GRAMD1B: variants seen among roughly 807,000 people sequenced by gnomAD.
GRAMD1B encodes the protein GRAM domain containing 1B.
GRAMD1B carries 37 observed loss-of-function variants against 99.7 expected under a neutral mutation model. The ratio of observed to expected loss-of-function variants is 0.37; its 90% CI spans 0.29 to 0.49. GRAMD1B has a LOEUF of 0.49. Among genes scored for constraint, GRAMD1B ranks in the 20% least tolerant of loss-of-function variants. The pLI is 0.98. For synonymous variants in GRAMD1B, 427 were observed against 387.6 expected (o/e 1.10, Z -1.19); for missense variants, 888 against 1,009.2 (o/e 0.88, Z 1.63).
At chr11:123,507,364 A>G (rs1940538053) in intron 2 of GRAMD1B, among the ~76,000 whole-genome samples, 1 of 152,212 alleles carries the variant, frequency 6.6e-6, no homozygotes, top group Non-Finnish European at 1.5e-5. Context: ...ATTCAAGACC[A>G]TAGTCTAGGG....
chr11:123,460,503 TC>T (rs1484461974), intron 1 of GRAMD1B: 1 of 152,258 alleles, frequency 6.6e-6, no homozygotes, highest in Non-Finnish European at 1.5e-5. Flanking sequence ...ACACCGTGAC[TC>T]CAGCCCCAGT....
In GRAMD1B at chr11:123,491,464, C is replaced by T. The variant is rs1938551194; in HGVS notation, c.452+10571C>T. 2.6e-5 allele frequency among the ~76,000 whole-genome samples: 4 copies of T among 152,136 alleles called. No homozygotes were observed. The South Asian group carries it at 8.3e-4, about 32-fold the overall frequency. ...CCTCTGGGAGCAGTGCTCCCTGCCC[C>T]TCCCCTTCCCCCAGCACCAGCAGCT... On this transcript the variant is annotated intron_variant, in intron 2 of 19. Transcript: ENST00000635736.
intron 7 of GRAMD1B, among the ~76,000 whole-genome samples, chr11:123,600,091 C>T (rs1951766010): frequency 6.6e-6 from 1 of 152,194 alleles, no homozygotes; most frequent in Non-Finnish European, 1.5e-5. Flanking sequence ...AATAGGTCGG[C>T]AGATTAGTAG....
chr11:123,445,818 CAAAAA>C lies in GRAMD1B; in HGVS notation c.374+14668_374+14672del, dbSNP rs36123733. Among the ~76,000 whole-genome samples the C allele has an allele frequency of 9.1e-3, 854 of 94,136 alleles. 7 individuals carry two copies. The highest frequency in any genetic ancestry group is 0.033 in the African/African-American group (820 of 24,696). The allele number at this position is 94,136 out of a possible 152,430, so 61.8% of individuals were successfully genotyped here. On this transcript the variant is annotated intron_variant, in intron 1 of 19. Transcript: ENST00000635736. ...TGGGGAACAGAGTGACACTTGTCTCCAAAAAAAAAAAAAAAAAAAACAAGACAAAC... is the reference window on the plus strand; with the variant it reads ...TGGGGAACAGAGTGACACTTGTCTCCAAAAAAAAAAAAAAACAAGACAAAC...
rs780588880 is a variant in GRAMD1B at position 123,606,589 on chromosome 11, C to T, written c.1324-20C>T. 4 of 1,597,790 alleles carry T rather than the reference C, an allele frequency of 2.5e-6. No homozygotes were observed. The highest frequency in any genetic ancestry group is 2.3e-5 in the South Asian group (2 of 88,020). ...CAGACCAGGTTTCCCTGGTGGGTGA[C>T]TCCTCTGTCTTGGCTCCAGTTTGAT... On this transcript the variant is annotated intron_variant, in intron 10 of 19. Transcript: ENST00000635736.
At chr11:123,431,306 C>T (rs1948876369) in intron 1 of GRAMD1B, 140 bp downstream of exon 1, 1 of 591,006 alleles carries the variant, frequency 1.7e-6, no homozygotes, top group African/African-American at 1.9e-5. Flanking sequence ...GGGCGCTGCG[C>T]CTGGTCCCAG....
In GRAMD1B at chr11:123,402,268, G is replaced by C. The variant is rs1019398360; in HGVS notation, c.-176+43469G>C. ...TGACCTCAGGTGACCTGCCCGCCTCGGCCTCCCCAAAGTGCTGGGATTACA... is the reference window on the plus strand; with the variant it reads ...TGACCTCAGGTGACCTGCCCGCCTCCGCCTCCCCAAAGTGCTGGGATTACA... On this transcript the variant is annotated intron_variant, in intron 1 of 20. Transcript: ENST00000638157. Among the ~76,000 whole-genome samples, 7 of 152,074 alleles carry C rather than the reference G, an allele frequency of 4.6e-5. No individual in the cohort carries two copies. The South Asian group carries it at 1.5e-3, about 32-fold the overall frequency.
intron 2 of GRAMD1B, among the ~76,000 whole-genome samples, chr11:123,530,531 C>T (rs1015630434): frequency 5.3e-5 from 8 of 152,182 alleles, no homozygotes; most frequent in African/African-American, 1.9e-4. Context: ...CAGGCGCCCG[C>T]CACCACACCC....
At chr11:123,398,088 A>G (rs949211940) in intron 1 of GRAMD1B, among the ~76,000 whole-genome samples, 1 of 152,218 alleles carries the variant, frequency 6.6e-6, no homozygotes, top group African/African-American at 2.4e-5. Flanking sequence ...GTTCCTCTAG[A>G]GAAAATACTC....
intron 2 of GRAMD1B, among the ~76,000 whole-genome samples, chr11:123,523,882 G>A (rs1056580350): frequency 2.0e-5 from 3 of 152,228 alleles, no homozygotes; most frequent in African/African-American, 7.2e-5. Flanking sequence ...CATAATTTTG[G>A]ATGTGTTCAG....
At chr11:123,466,014 G>A (rs1191663147) in intron 1 of GRAMD1B, among the ~76,000 whole-genome samples, 2 of 152,066 alleles carry the variant, frequency 1.3e-5, no homozygotes, top group South Asian at 2.1e-4. Flanking sequence ...GGTGGCTCAC[G>A]CCTGTGATCC....
chr11:123,563,928 C>T (rs1410959154), intron 2 of GRAMD1B, among the ~76,000 whole-genome samples: 1 of 152,192 alleles, frequency 6.6e-6, no homozygotes, highest in African/African-American at 2.4e-5. Context: ...TTACAGTTTT[C>T]TCTATTCTAA....
intron 2 of GRAMD1B, among the ~76,000 whole-genome samples, chr11:123,571,612 A>G (rs2136152358): frequency 6.6e-6 from 1 of 152,228 alleles, no homozygotes; most frequent in Middle Eastern, 3.4e-3. Context: ...AAATGAATGA[A>G]TGACCTCCGG....
chr11:123,577,906 G>C (rs372062080), intron 3 of GRAMD1B, among the ~76,000 whole-genome samples: 1 of 152,040 alleles, frequency 6.6e-6, no homozygotes, highest in African/African-American at 2.4e-5. Context: ...CCTAGAGCCG[G>C]GGTAGAAGGC....
Position 123,531,909 on chromosome 11 carries a change from A to G in GRAMD1B, c.453-45458A>G, listed in dbSNP as rs570097853. ...CACCACCACGCCTGGCTAATTTTGT[A>G]TTTTTTTAGTAGAGACAGGGTTTCT... On this transcript the variant is annotated intron_variant, in intron 2 of 19. Transcript: ENST00000635736. Among the ~76,000 whole-genome samples the G allele has an allele frequency of 2.6e-5, 4 of 151,572 alleles. No homozygotes were observed. In the East Asian group the frequency reaches 7.8e-4, roughly 30 times the overall value.
Position 123,498,909 on chromosome 11 carries a change from C to T in GRAMD1B, c.452+18016C>T, listed in dbSNP as rs183759434. On this transcript the variant is annotated intron_variant, in intron 2 of 19. Coordinates refer to ENST00000635736, the MANE Select transcript of GRAMD1B (RefSeq NM_001387025.1). ...CCATGCTTTGAGAAATATGCTCTTTCTCGAAAAGCAGTGCTGATAAAGAAA... is the reference window on the plus strand; with the variant it reads ...CCATGCTTTGAGAAATATGCTCTTTTTCGAAAAGCAGTGCTGATAAAGAAA... Among the ~76,000 whole-genome samples the T allele has an allele frequency of 5.9e-5, 9 of 152,258 alleles. No individual in the cohort carries two copies. In the East Asian group the frequency reaches 1.5e-3, roughly 26 times the overall value.
At chr11:123,428,277 CTCCCGATCCTGAAGTT>C (rs570177263), upstream of GRAMD1B, among the ~76,000 whole-genome samples, 62 of 152,334 alleles carry the variant, frequency 4.1e-4, no homozygotes, top group African/African-American at 1.4e-3. Flanking sequence ...CTTGGCTTAG[CTCCCGATCCTGAAGTT>C]TGGAGTTACA....
intron 2 of GRAMD1B, among the ~76,000 whole-genome samples, chr11:123,513,506 CT>C (rs1013578617): frequency 1.8e-4 from 27 of 148,884 alleles, no homozygotes; most frequent in African/African-American, 5.1e-4. Context: ...CTCCCTCTCT[CT>C]TTCTTTCTTT....
At chr11:123,378,025 C>A (rs1404404842) in intron 1 of GRAMD1B, among the ~76,000 whole-genome samples, 1 of 152,172 alleles carries the variant, frequency 6.6e-6, no homozygotes, top group East Asian at 1.9e-4. Context: ...TCTGTGTCCA[C>A]AGGTACAAAG....
Sources: allele counts gnomAD v4.1 joint callset (sites outside exome capture counted in the v4.1 genomes callset), GRCh38; gene constraint gnomAD v4.1.1; transcripts MANE v1.5; gene names NCBI Gene and HGNC (gene_info 2026-07-23, HGNC 2026-07-21).